The following AUTS2 variants were observed in gnomAD, a reference collection of about 807,000 sequenced individuals.
AUTS2 encodes the protein autism susceptibility gene 2 protein.
A neutral mutation model predicts 112.4 loss-of-function variants in AUTS2; 17 were observed. The ratio of observed to expected loss-of-function variants is 0.15; its 90% CI spans 0.10 to 0.23. AUTS2 has a LOEUF of 0.23. Ranked by LOEUF, AUTS2 falls within the 10% of genes least tolerant of loss-of-function variation. The pLI, the probability that AUTS2 is intolerant of heterozygous loss-of-function variation, is 1.00. For synonymous variants in AUTS2, 751 were observed against 702.7 expected, an observed-to-expected ratio of 1.07 and a Z score of -1.09; for missense variants, 1,510 against 1,701.6, an observed-to-expected ratio of 0.89 and a Z score of 1.98.
At chr7:70,768,545 C>T (rs2129557788) in intron 10 of AUTS2, among the ~76,000 whole-genome samples, 1 of 152,274 alleles carries the variant, frequency 6.6e-6, no homozygotes, top group South Asian at 2.1e-4. Context: ...CCTTCTTCCA[C>T]ATGGCTGGTA....
intron 4 of AUTS2, among the ~76,000 whole-genome samples, chr7:70,310,769 C>CAA (rs1252449655): frequency 2.6e-5 from 4 of 152,090 alleles, no homozygotes; most frequent in African/African-American, 2.4e-5. Context: ...AAATAGAATG[C>CAA]AAAACACAGC....
At chr7:70,183,648 G>C (rs1809443539) in intron 4 of AUTS2, among the ~76,000 whole-genome samples, 1 of 152,058 alleles carries the variant, frequency 6.6e-6, no homozygotes, top group Non-Finnish European at 1.5e-5. Context: ...TCTTCCTTCT[G>C]CCCATCACCC....
At chr7:70,330,979 T>C (rs1294490641) in intron 4 of AUTS2, among the ~76,000 whole-genome samples, 1 of 152,214 alleles carries the variant, frequency 6.6e-6, no homozygotes, top group African/African-American at 2.4e-5. Context: ...TTTGCATCAA[T>C]GTTCATCGCA....
chr7:70,034,102 A>G (rs1055516068), intron 2 of AUTS2, among the ~76,000 whole-genome samples: 41 of 152,198 alleles, frequency 2.7e-4, no homozygotes, highest in African/African-American at 9.4e-4. Context: ...ATGTCAACTA[A>G]AAAGAAAATT....
At chr7:70,668,716 A>G (rs917454210) in intron 5 of AUTS2, among the ~76,000 whole-genome samples, 17 of 152,194 alleles carry the variant, frequency 1.1e-4, no homozygotes, top group Admixed American at 2.0e-4. Flanking sequence ...GACAAATATA[A>G]TTTCTGGGCC....
chr7:70,388,723 G>A (rs1585088748), intron 4 of AUTS2, among the ~76,000 whole-genome samples: 1 of 152,166 alleles, frequency 6.6e-6, no homozygotes, highest in African/African-American at 2.4e-5. Context: ...TTCATAATGA[G>A]GAAAGTGTAT....
intron 4 of AUTS2, among the ~76,000 whole-genome samples, chr7:70,410,069 T>A (rs759241807): frequency 2.6e-4 from 39 of 152,358 alleles, no homozygotes; most frequent in Non-Finnish European, 1.3e-4. Flanking sequence ...GTTAGAACTT[T>A]TTCCCTCTAC....
chr7:70,290,579 TAGCGTG>T, intron 4 of AUTS2: 1 of 1,457,188 alleles, frequency 6.9e-7, no homozygotes, highest in Non-Finnish European at 9.0e-7. Context: ...TGACTACTGT[TAGCGTG>T]ACCCCAATGA....
At chr7:70,506,818 G>T (rs1322501087) in intron 5 of AUTS2, among the ~76,000 whole-genome samples, 1 of 152,220 alleles carries the variant, frequency 6.6e-6, no homozygotes, top group Non-Finnish European at 1.5e-5. Flanking sequence ...TATCTATATG[G>T]GGGAAATTAA....
At chr7:69,837,322 A>T (rs1191134338) in intron 1 of AUTS2, among the ~76,000 whole-genome samples, 1 of 152,172 alleles carries the variant, frequency 6.6e-6, no homozygotes, top group Non-Finnish European at 1.5e-5. Flanking sequence ...CTTTCAAGAC[A>T]GTAGTACTTT....
At chr7:69,822,310 T>A (rs557995450) in intron 1 of AUTS2, among the ~76,000 whole-genome samples, 1 of 152,306 alleles carries the variant, frequency 6.6e-6, no homozygotes, top group South Asian at 2.1e-4. Flanking sequence ...ATATGTAGCT[T>A]GGAGACATAT....
chr7:70,269,402 T>TG (rs71077640), intron 4 of AUTS2, among the ~76,000 whole-genome samples: 34,169 of 152,016 alleles, frequency 0.22, 3,861 homozygotes, highest in Middle Eastern at 0.33. Flanking sequence ...TTCCAAGAAC[T>TG]GGGGGATGGG....
chr7:70,614,169 T>G (rs1186927267), intron 5 of AUTS2, among the ~76,000 whole-genome samples: 1 of 152,162 alleles, frequency 6.6e-6, no homozygotes. Flanking sequence ...CCACCAAACT[T>G]TCATACAAGC....
intron 1 of AUTS2, among the ~76,000 whole-genome samples, chr7:69,600,437 G>GTGTGTGTC (rs1792326851): frequency 6.6e-6 from 1 of 150,992 alleles, no homozygotes. Flanking sequence ...GTGTGTGTGT[G>GTGTGTGTC]TGTGTCTGTG....
chr7:69,869,730 T>C (rs976196129), intron 1 of AUTS2, among the ~76,000 whole-genome samples: 4 of 152,190 alleles, frequency 2.6e-5, no homozygotes, highest in African/African-American at 9.6e-5. Context: ...AGTCAATGAC[T>C]GAATTGAACA....
intron 4 of AUTS2, among the ~76,000 whole-genome samples, chr7:70,230,592 G>T (rs1008443416): frequency 1.3e-5 from 2 of 152,152 alleles, no homozygotes; most frequent in Middle Eastern, 6.3e-3. Flanking sequence ...GTGTTGTAAG[G>T]CCTCATGCTC....
chr7:70,444,962 G>A (rs993439726), intron 5 of AUTS2, among the ~76,000 whole-genome samples: 12 of 151,924 alleles, frequency 7.9e-5, no homozygotes, highest in East Asian at 1.9e-4. Context: ...TAATGTCTTC[G>A]GTCAGTGAAA....
chr7:70,597,741 A>T (rs1039016080), intron 5 of AUTS2, among the ~76,000 whole-genome samples: 2 of 152,194 alleles, frequency 1.3e-5, no homozygotes, highest in Admixed American at 1.3e-4. Flanking sequence ...CTACATTGGG[A>T]TGCACATATT....
At chr7:69,819,878 C>G (rs961857230) in intron 1 of AUTS2, among the ~76,000 whole-genome samples, 3 of 152,156 alleles carry the variant, frequency 2.0e-5, no homozygotes, top group Non-Finnish European at 4.4e-5. Context: ...GGAATACAGG[C>G]CTGAGCCACT....
Sources: allele counts gnomAD v4.1 joint callset (sites outside exome capture counted in the v4.1 genomes callset), GRCh38; gene constraint gnomAD v4.1.1; transcripts MANE v1.5; gene names NCBI Gene and HGNC (gene_info 2026-07-23, HGNC 2026-07-21).